RANBP2: variants seen among roughly 807,000 people sequenced by gnomAD.
RANBP2 encodes E3 SUMO-protein ligase RanBP2.
Under a neutral mutation model 303.6 loss-of-function variants are expected in RANBP2, and 57 were observed. That is an observed-to-expected ratio of 0.19 (90% CI 0.15 to 0.23). The LOEUF (loss-of-function observed/expected upper bound fraction) is 0.23, where lower values mean the gene tolerates loss of function less well. Among genes scored for constraint, RANBP2 ranks in the 10% least tolerant of loss-of-function variants. The pLI, the probability that RANBP2 is intolerant of heterozygous loss-of-function variation, is 1.00. For missense variants in RANBP2, 3,138 were observed against 3,780.8 expected, an observed-to-expected ratio of 0.83 and a Z score of 4.46; for synonymous variants, 1,167 against 1,301.5, an observed-to-expected ratio of 0.90 and a Z score of 2.23.
the RANBP2 span, among the ~76,000 whole-genome samples, chr2:108,944,732 T>C: frequency 6.6e-6 from 1 of 152,110 alleles, no homozygotes; most frequent in Non-Finnish European, 1.5e-5. Context: ...ACCCCCACCG[T>C]GCAGAGGAGG....
chr2:108,762,796 T>TACC (rs1305282573), intron 19 of RANBP2, among the ~76,000 whole-genome samples: 4 of 135,552 alleles, frequency 3.0e-5, no homozygotes, highest in Non-Finnish European at 6.5e-5. Context: ...CAATAAATGT[T>TACC]ACCATCATCA....
At chr2:109,463,360 C>T in the RANBP2 span, among the ~76,000 whole-genome samples, 2 of 152,222 alleles carry the variant, frequency 1.3e-5, no homozygotes, top group African/African-American at 4.8e-5. Flanking sequence ...TTATGTGCCA[C>T]CATGTGGGCC....
At chr2:109,598,071 G>GT in the RANBP2 span, among the ~76,000 whole-genome samples, 19 of 151,720 alleles carry the variant, frequency 1.3e-4, no homozygotes, top group African/African-American at 2.7e-4. Flanking sequence ...GTTTTGTTTT[G>GT]TTTTTTTTGA....
the RANBP2 span, among the ~76,000 whole-genome samples, chr2:109,036,783 G>A: frequency 5.3e-5 from 8 of 152,002 alleles, no homozygotes; most frequent in South Asian, 2.1e-4. Context: ...TGAGATGGGC[G>A]GATTGCTTGA....
chr2:109,642,064 A>G, the RANBP2 span, among the ~76,000 whole-genome samples: 2 of 152,026 alleles, frequency 1.3e-5, no homozygotes, highest in Non-Finnish European at 2.9e-5. Context: ...TTGGCCTCCC[A>G]AAGTGCTGGG....
chr2:109,400,226 GCA>G, the RANBP2 span, among the ~76,000 whole-genome samples: 2 of 151,546 alleles, frequency 1.3e-5, no homozygotes, highest in East Asian at 1.9e-4. Flanking sequence ...ACACATGCAC[GCA>G]CACACACACA....
intron 1 of RANBP2, among the ~76,000 whole-genome samples, chr2:108,728,456 G>A (rs923387282): frequency 3.3e-5 from 5 of 152,032 alleles, no homozygotes; most frequent in Non-Finnish European, 7.4e-5. Context: ...ACTATGCCTG[G>A]CTATTTTTTT....
At chr2:109,011,482 G>T in the RANBP2 span, among the ~76,000 whole-genome samples, 9 of 152,258 alleles carry the variant, frequency 5.9e-5, no homozygotes, top group African/African-American at 1.9e-4. Flanking sequence ...AGCTAATAGG[G>T]TCTTTGTTCT....
In RANBP2 at chr2:108,750,071, G is replaced by A. The variant is rs555518082; in HGVS notation, c.1273+942G>A. 3.9e-5 allele frequency among the ~76,000 whole-genome samples: 6 copies of A among 152,354 alleles called. No homozygotes were observed. The East Asian group carries it at 9.7e-4, about 25-fold the overall frequency. On this transcript the variant is annotated intron_variant, in intron 9 of 28. Coordinates refer to ENST00000283195, the MANE Select transcript of RANBP2 (RefSeq NM_006267.5). ...TGAGGCAGGGGAATCGCTTCAACCCGGGAGGCGGAGGTTGCAGTGAGCCAA... is the reference window on the plus strand; with the variant it reads ...TGAGGCAGGGGAATCGCTTCAACCCAGGAGGCGGAGGTTGCAGTGAGCCAA...
chr2:109,222,138 T>A, the RANBP2 span, among the ~76,000 whole-genome samples: 1 of 149,648 alleles, frequency 6.7e-6, no homozygotes, highest in Non-Finnish European at 1.5e-5. Flanking sequence ...ATGTGGAAGC[T>A]AAAAAAGGTG....
chr2:108,937,082 G>A, the RANBP2 span, among the ~76,000 whole-genome samples: 11 of 152,346 alleles, frequency 7.2e-5, no homozygotes, highest in South Asian at 2.1e-4. Flanking sequence ...CACAGGCACC[G>A]TCCTTCCCAA....
chr2:109,319,442 G>A, the RANBP2 span, among the ~76,000 whole-genome samples: 2 of 152,176 alleles, frequency 1.3e-5, no homozygotes, highest in African/African-American at 4.8e-5. Context: ...CTGAAAGCTT[G>A]GATTTACAAG....
the RANBP2 span, among the ~76,000 whole-genome samples, chr2:108,891,741 A>G: frequency 6.6e-6 from 1 of 152,078 alleles, no homozygotes; most frequent in Admixed American, 6.5e-5. Context: ...AGCATGAGCA[A>G]TGGCAGTAGC....
At chr2:109,484,877 T>C in the RANBP2 span, among the ~76,000 whole-genome samples, 1 of 152,162 alleles carries the variant, frequency 6.6e-6, no homozygotes, top group East Asian at 1.9e-4. Flanking sequence ...TCTGAACATC[T>C]CTACCCAGTG....
the RANBP2 span, chr2:109,618,307 T>C: frequency 4.8e-5 from 8 of 166,708 alleles, no homozygotes; most frequent in Non-Finnish European, 1.2e-4. Flanking sequence ...CTGAAGTAAC[T>C]CTAAAGAGCA....
At chr2:108,944,515 G>GCTATAGAAA in the RANBP2 span, among the ~76,000 whole-genome samples, 2 of 152,250 alleles carry the variant, frequency 1.3e-5, no homozygotes, top group South Asian at 2.1e-4. Flanking sequence ...TCATGGGGCT[G>GCTATAGAAA]TTAATCTGGC....
the RANBP2 span, among the ~76,000 whole-genome samples, chr2:109,599,767 C>T: frequency 6.6e-6 from 1 of 152,144 alleles, no homozygotes; most frequent in African/African-American, 2.4e-5. Flanking sequence ...TTAACAAAAG[C>T]TTGCACCATA....
chr2:109,427,237 G>A, the RANBP2 span, among the ~76,000 whole-genome samples: 2 of 152,090 alleles, frequency 1.3e-5, no homozygotes, highest in Non-Finnish European at 2.9e-5. Context: ...CCAAAGTGCT[G>A]GGATTACAGG....
At chr2:109,563,897 G>A in the RANBP2 span, among the ~76,000 whole-genome samples, 2 of 152,272 alleles carry the variant, frequency 1.3e-5, no homozygotes, top group East Asian at 3.9e-4. Flanking sequence ...GAGGTAGGAG[G>A]ATCACTTGAG....
Sources: gnomAD v4.1 joint callset for allele counts (sites outside exome capture counted in the v4.1 genomes callset) on GRCh38, gnomAD v4.1.1 for gene constraint, MANE v1.5 for transcripts, NCBI Gene and HGNC (gene_info 2026-07-23, HGNC 2026-07-21) for gene names.